STAC: variants seen among roughly 807,000 people sequenced by gnomAD.
STAC encodes the protein SH3 and cysteine-rich domain-containing protein.
A neutral mutation model predicts 48.8 loss-of-function variants in STAC; 43 were observed. The ratio of observed to expected loss-of-function variants is 0.88; its 90% confidence interval spans 0.69 to 1.14. The LOEUF is 1.14. Among genes scored for constraint, STAC ranks in the 50% most tolerant of loss-of-function variants. The pLI is 0.00. For synonymous variants in STAC, 193 were observed against 179.5 expected (o/e 1.07, Z -0.60); for missense variants, 497 against 504.0 (o/e 0.99, Z 0.13).
rs1425181608 is a variant in STAC, at chr3:36,384,359, C to G, written c.111+3605C>G. Among the ~76,000 whole-genome samples, 5 of 152,196 alleles carry G rather than the reference C, an allele frequency of 3.3e-5. No homozygotes were observed. In the East Asian group the frequency reaches 9.7e-4, roughly 29 times the overall value. ...GATTGACACACCTCTGTGAACATGCCTAATACCTCAAAGCCTCAGCTTCCT... is the reference window on the plus strand; with the variant it reads ...GATTGACACACCTCTGTGAACATGCGTAATACCTCAAAGCCTCAGCTTCCT... On this transcript the variant is annotated intron_variant, in intron 1 of 10. Coordinates refer to ENST00000273183, the MANE Select transcript of STAC (RefSeq NM_003149.3).
At chr3:36,476,682 T>C (rs1270390194) in intron 2 of STAC, among the ~76,000 whole-genome samples, 1 of 152,240 alleles carries the variant, frequency 6.6e-6, no homozygotes, top group African/African-American at 2.4e-5. Context: ...GTTTTTATTG[T>C]CTAGCACCAG....
At chr3:36,434,881 A>G (rs1473179117) in intron 1 of STAC, among the ~76,000 whole-genome samples, 1 of 152,218 alleles carries the variant, frequency 6.6e-6, no homozygotes, top group Non-Finnish European at 1.5e-5. Flanking sequence ...TCAACCTGGC[A>G]ACCACATGGA....
chr3:36,498,510 T>C (rs1330149870), intron 6 of STAC, among the ~76,000 whole-genome samples: 2 of 152,152 alleles, frequency 1.3e-5, no homozygotes, highest in Admixed American at 6.6e-5. Flanking sequence ...TCTCACCACT[T>C]TGGGAGGCCG....
intron 10 of STAC, among the ~76,000 whole-genome samples, chr3:36,536,249 TA>T (rs1699196005): frequency 6.6e-6 from 1 of 152,050 alleles, no homozygotes; most frequent in African/African-American, 2.4e-5. Context: ...AAAACTACTT[TA>T]AAATTCTTAT....
At chr3:36,465,420 T>A (rs906941744) in intron 2 of STAC, among the ~76,000 whole-genome samples, 1 of 152,230 alleles carries the variant, frequency 6.6e-6, no homozygotes, top group Admixed American at 6.5e-5. Flanking sequence ...GTGTGTTAAC[T>A]CTGATGATTA....
chr3:36,446,818 T>C (rs1002413860), intron 2 of STAC, among the ~76,000 whole-genome samples: 1 of 152,236 alleles, frequency 6.6e-6, no homozygotes, highest in African/African-American at 2.4e-5. Context: ...GCATATTAAA[T>C]GGAGTCGTAT....
intron 1 of STAC, among the ~76,000 whole-genome samples, chr3:36,439,191 A>C (rs1322543286): frequency 6.6e-6 from 1 of 152,176 alleles, no homozygotes; most frequent in Non-Finnish European, 1.5e-5. Context: ...GACCTTAGGC[A>C]AGTTGCTTAA....
intron 8 of STAC, among the ~76,000 whole-genome samples, chr3:36,515,747 T>C (rs1028614017): frequency 4.6e-5 from 7 of 152,082 alleles, no homozygotes; most frequent in Non-Finnish European, 7.4e-5. Context: ...CTTTGTCCTG[T>C]ACCTGTGAGG....
chr3:36,380,848 G>C (rs546648632), intron 1 of STAC, 94 bp downstream of exon 1: 73 of 1,002,816 alleles, frequency 7.3e-5, no homozygotes, highest in Non-Finnish European at 1.1e-4. Context: ...ACGGGCGTGG[G>C]GGTCTGAGAC....
Position 36,528,828 on chromosome 3 carries a change from T to G in STAC, c.973-20T>G, listed in dbSNP as rs1477403491. 2.5e-6 allele frequency: 4 copies of G among 1,610,052 alleles called. No homozygotes were observed. Among genetic ancestry groups the G allele is most frequent in the Non-Finnish European group, 3.4e-6 (4 of 1,177,490 alleles). ...AATACATGCTACAATTGTGGATGCA[T>G]GCCTCCTTTTTCCTTTCAGGGGAAA... On this transcript the variant is annotated intron_variant, in intron 9 of 10. Coordinates refer to ENST00000273183, the MANE Select transcript of STAC (RefSeq NM_003149.3).
At chr3:36,475,753 T>C (rs1213716740) in intron 2 of STAC, among the ~76,000 whole-genome samples, 1 of 152,158 alleles carries the variant, frequency 6.6e-6, no homozygotes, top group Non-Finnish European at 1.5e-5. Flanking sequence ...CTAACTTAGT[T>C]CTTGTCCAGA....
intron 6 of STAC, among the ~76,000 whole-genome samples, chr3:36,500,231 G>A (rs1698250647): frequency 6.6e-6 from 1 of 152,306 alleles, no homozygotes; most frequent in African/African-American, 2.4e-5. Context: ...AAGAACACAT[G>A]TGGTACATAT....
chr3:36,528,488 A>AT (rs1426128703), intron 8 of STAC, among the ~76,000 whole-genome samples: 1 of 151,190 alleles, frequency 6.6e-6, no homozygotes, highest in Non-Finnish European at 1.5e-5. Context: ...AAAAAGAGTT[A>AT]TTTTTAAAAT....
chr3:36,391,676 C>A (rs1167575049), intron 1 of STAC, among the ~76,000 whole-genome samples: 1 of 152,164 alleles, frequency 6.6e-6, no homozygotes, highest in Non-Finnish European at 1.5e-5. Context: ...AAACCAGAAG[C>A]CCTTGATGAT....
chr3:36,512,469 A>G (rs1443978689), intron 8 of STAC, among the ~76,000 whole-genome samples: 1 of 152,208 alleles, frequency 6.6e-6, no homozygotes, highest in African/African-American at 2.4e-5. Context: ...TTTAAGATTT[A>G]ACAGCTTTCT....
At chr3:36,504,312 T>C in intron 6 of STAC, 81 bp from the exon 7 acceptor site, 3 of 1,312,574 alleles carry the variant, frequency 2.3e-6, no homozygotes, top group Non-Finnish European at 3.3e-6. Flanking sequence ...GTACTTAGAA[T>C]AAATAAAGCC....
intron 5 of STAC, among the ~76,000 whole-genome samples, chr3:36,492,062 A>G (rs866532160): frequency 7.1e-5 from 7 of 99,080 alleles, no homozygotes; most frequent in African/African-American, 2.2e-4. Flanking sequence ...ATATATATAT[A>G]TATATGTGAC....
intron 1 of STAC, among the ~76,000 whole-genome samples, chr3:36,395,037 A>G (rs1020767341): frequency 1.3e-5 from 2 of 151,604 alleles, no homozygotes; most frequent in African/African-American, 4.8e-5. Context: ...ATATATATAT[A>G]TATATATCAA....
rs181642271 is a variant in STAC, at chr3:36,541,460, G to T, written c.1111-4731G>T. On this transcript the variant is annotated intron_variant, in intron 10 of 10. Transcript: ENST00000273183. ...CCTAGAACAGTGAGTGATTGATGCA[G>T]AACTAAGGTTGCCCAGCTGAAATGG... Among the ~76,000 whole-genome samples the T allele has an allele frequency of 2.1e-3, 318 of 152,316 alleles. 3 individuals carry two copies. Among genetic ancestry groups the T allele is most frequent in the African/African-American group, 7.1e-3 (297 of 41,574 alleles).
Sources: gnomAD v4.1 joint callset for allele counts (sites outside exome capture counted in the v4.1 genomes callset) on GRCh38, gnomAD v4.1.1 for gene constraint, MANE v1.5 for transcripts, NCBI Gene and HGNC (gene_info 2026-07-23, HGNC 2026-07-21) for gene names.